LAMC3: variants seen among roughly 807,000 people sequenced by gnomAD.
The protein encoded by LAMC3 is laminin subunit gamma 3.
In LAMC3, 128 loss-of-function variants were observed where a neutral mutation model predicts 173.8. The ratio of observed to expected loss-of-function variants is 0.74; its 90% CI spans 0.64 to 0.85. The LOEUF (loss-of-function observed/expected upper bound fraction) is 0.85. Among genes scored for constraint, LAMC3 ranks in the 40% least tolerant of loss-of-function variants. The pLI is 0.00. For missense variants in LAMC3, 2,022 were observed against 2,156.0 expected (o/e 0.94, Z 1.23); for synonymous variants, 897 against 909.1 (o/e 0.99, Z 0.24).
Position 131,079,186 on chromosome 9 carries a change from C to G in LAMC3, c.3815C>G (p.Ala1272Gly). 1 of 1,613,890 alleles carries G rather than the reference C, an allele frequency of 6.2e-7. No homozygotes were observed. Among genetic ancestry groups the G allele is most frequent in the Non-Finnish European group, 8.5e-7 (1 of 1,179,896 alleles). Residue 1272 changes from alanine (A) to glycine (G), a missense_variant, in exon 23 of 28, where the codon GCG becomes GGG. By Grantham distance (60) the Ala-to-Gly change is moderately conservative (BLOSUM62 0). Transcript: ENST00000361069. ...KSRAEDLGLKAKALEKTVASW... is the reference protein window; with the variant it reads ...KSRAEDLGLKGKALEKTVASW... ...CGGGCTGAAGACCTGGGCCTGAAGG[C>G]GAAGGCCCTGGAGAAGACAGTTGCA...
intron 21 of LAMC3, 128 bp from the exon 22 acceptor site, chr9:131,077,059 C>G: frequency 7.9e-7 from 1 of 1,266,956 alleles, no homozygotes; most frequent in Non-Finnish European, 1.1e-6. Flanking sequence ...GTACCTACCC[C>G]GCAGAGGGCT....
At chr9:131,062,079 C>T (rs1309218480) in intron 13 of LAMC3, among the ~76,000 whole-genome samples, 2 of 151,540 alleles carry the variant, frequency 1.3e-5, no homozygotes, top group African/African-American at 2.4e-5. Context: ...AAATAAAGTA[C>T]AGGCCGGGCA....
intron 8 of LAMC3, among the ~76,000 whole-genome samples, chr9:131,046,518 ATT>A (rs71501242): frequency 3.8e-3 from 188 of 49,148 alleles, no homozygotes; most frequent in African/African-American, 9.1e-3. Context: ...TAATTTTTGT[ATT>A]TTTTTTTTTT....
intron 2 of LAMC3, among the ~76,000 whole-genome samples, chr9:131,031,266 A>T (rs1833817734): frequency 6.6e-6 from 1 of 152,120 alleles, no homozygotes; most frequent in Non-Finnish European, 1.5e-5. Flanking sequence ...GCTGCTGCTC[A>T]CAGCAGGCAG....
chr9:131,073,780 A>G (rs1306564921), intron 20 of LAMC3, among the ~76,000 whole-genome samples: 16 of 151,990 alleles, frequency 1.1e-4, no homozygotes, highest in Non-Finnish European at 1.5e-5. Flanking sequence ...ATCTGCCATC[A>G]GCCCCCGTTT....
chr9:131,061,501 G>A (rs1165698822), intron 13 of LAMC3, among the ~76,000 whole-genome samples: 1 of 152,064 alleles, frequency 6.6e-6, no homozygotes, highest in African/African-American at 2.4e-5. Flanking sequence ...TTAGAGCCTG[G>A]GTTAGTGATA....
At position 131,057,051 on chromosome 9, in the gene LAMC3, G is replaced by C; in HGVS notation, c.2062G>C (p.Ala688Pro). The C allele has an allele frequency of 6.2e-7, 1 of 1,614,172 alleles. No individual in the cohort carries two copies. Among genetic ancestry groups the C allele is most frequent in the South Asian group, 1.1e-5 (1 of 91,086 alleles). The stretch of plus-strand genomic sequence containing the variant: ...CACGGGCCAGTTCTGTGAATCCTGT[G>C]CTCCGGGATACAAGAGGGAGATGCC... ...GYTGQFCESC[A>P]PGYKREMPQG... The change falls in exon 12 of 28, where the codon GCT (alanine) becomes CCT (proline). Residue 688 changes from alanine (A) to proline (P), a missense_variant. Coordinates refer to ENST00000361069, the MANE Select transcript of LAMC3 (RefSeq NM_006059.4).
At chr9:131,061,254 C>T (rs199516745) in intron 13 of LAMC3, 31 bp downstream of exon 13, 684 of 1,570,048 alleles carry the variant, frequency 4.4e-4, no homozygotes, top group Non-Finnish European at 5.3e-4. Context: ...AGCCCTGCCC[C>T]GCAGAGGGCC....
Position 131,009,392 on chromosome 9 carries a change from G to A in LAMC3, c.178G>A (p.Asp60Asn), listed in dbSNP as rs1399742553. 5.2e-6 allele frequency: 8 copies of A among 1,532,980 alleles called. No homozygotes were observed. The highest frequency in any genetic ancestry group is 7.0e-6 in the Non-Finnish European group (8 of 1,143,162). 95.0% of individuals were successfully genotyped at this position (1,532,980 alleles called of 1,614,324 possible). Residue 60 changes from aspartate to asparagine, a missense_variant, in exon 1 of 28, where the codon GAC becomes AAC. Coordinates refer to ENST00000361069, the MANE Select transcript of LAMC3 (RefSeq NM_006059.4). This position sits in a 1 kb window ranked among gnomAD's most constrained non-coding sequence, Gnocchi z 4.3. The stretch of plus-strand genomic sequence containing the variant: ...GCACACGTGCGGCAGCCCGCCCGAG[G>A]ACTTCTGTCCCCACGTGGGCGCCGC... Reference protein sequence around the residue: ...ASHTCGSPPEDFCPHVGAAGA... With the variant: ...ASHTCGSPPENFCPHVGAAGA...
In LAMC3 at chr9:131,082,144, T is replaced by C; in HGVS notation, c.4013T>C (p.Leu1338Pro). The C allele has an allele frequency of 6.2e-7, 1 of 1,613,468 alleles. No individual in the cohort carries two copies. The highest frequency in any genetic ancestry group is 8.5e-7 in the Non-Finnish European group (1 of 1,179,666). ...ATVTVMGART[L>P]LADLEGMKLQ... ...GTGACTGTCATGGGAGCCAGGACTC[T>C]GCTGGCTGATCTGGAAGGTACGTGA... The change falls in exon 24 of 28, where the codon CTG becomes CCG. Residue 1338 changes from leucine to proline, a missense_variant. Leu to Pro is a moderately conservative substitution (Grantham distance 98, BLOSUM62 -3). Transcript: ENST00000361069.
In LAMC3 at chr9:131,032,068, C is replaced by A; in HGVS notation, c.702C>A (p.Leu234=). The change falls in exon 3 of 28, where the codon CTC becomes CTA. Residue 234 remains leucine (L), a synonymous_variant. Transcript: ENST00000361069. ...AGGAGTGGGTCACCAGCACCGAACTCCTCATCTCTCTAGACCGGCTCAACA... is the reference window on the plus strand; with the variant it reads ...AGGAGTGGGTCACCAGCACCGAACTACTCATCTCTCTAGACCGGCTCAACA... ...GLQEWVTSTE[L]LISLDRLNTF... 1 of 1,614,100 alleles carries A rather than the reference C, an allele frequency of 6.2e-7. No individual in the cohort carries two copies. Among genetic ancestry groups the A allele is most frequent in the Non-Finnish European group, 8.5e-7 (1 of 1,180,004 alleles).
At position 131,066,360 on chromosome 9, in the gene LAMC3, G is replaced by A. The variant is rs566677011; in HGVS notation, c.2348-600G>A. Among the ~76,000 whole-genome samples, 22 of 149,200 alleles carry A rather than the reference G, an allele frequency of 1.5e-4. 1 individual carries two copies. The highest frequency in any genetic ancestry group is 1.0e-3 in the Admixed American group (15 of 14,980). ...ACAAAAATTAGCCAAGCATGGTGGC[G>A]GGTGCCTGTAATCCCATCTACTAGG... is the stretch of plus-strand genomic sequence containing the variant. On this transcript the variant is annotated intron_variant, in intron 13 of 27. Coordinates refer to ENST00000361069, the MANE Select transcript of LAMC3 (RefSeq NM_006059.4).
chr9:131,055,025 C>T (rs1370594694), intron 11 of LAMC3, among the ~76,000 whole-genome samples: 1 of 152,066 alleles, frequency 6.6e-6, no homozygotes, highest in Non-Finnish European at 1.5e-5. Flanking sequence ...TTTAGCCATC[C>T]CCCTATTGAC....
chr9:131,072,495 TTTGGGACTACCTG>T, intron 18 of LAMC3, 122 bp from the exon 19 acceptor site: 1 of 761,734 alleles, frequency 1.3e-6, no homozygotes, highest in Non-Finnish European at 2.2e-6. Flanking sequence ...GTACTCTGCC[TTTGGGACTACCTG>T]TTGGTGCTCA....
intron 14 of LAMC3, 76 bp downstream of exon 14, chr9:131,067,281 G>C (rs778466787): frequency 6.9e-6 from 11 of 1,589,544 alleles, no homozygotes; most frequent in Non-Finnish European, 9.4e-6. Context: ...GGGCCCAGAA[G>C]GGGTGGCTGA....
At chr9:131,019,912 A>G (rs1207319861) in intron 1 of LAMC3, among the ~76,000 whole-genome samples, 2 of 150,516 alleles carry the variant, frequency 1.3e-5, no homozygotes, top group East Asian at 3.9e-4. Context: ...CGCCCACGCC[A>G]AACAGCAGGA....
rs757253079 is a variant in LAMC3 at position 131,068,182 on chromosome 9, C to T, written c.2698C>T (p.Arg900Cys). 2.5e-5 allele frequency: 41 copies of T among 1,612,982 alleles called. No individual in the cohort carries two copies. Among genetic ancestry groups the T allele is most frequent in the South Asian group, 1.1e-4 (10 of 91,082 alleles). ...LPHVTARDCSRCYPGFFDLQP... is the reference protein window; with the variant it reads ...LPHVTARDCSCCYPGFFDLQP... Reference sequence around the variant, plus strand: ...TCATGTGACTGCACGGGACTGCAGCCGCTGCTACCCTGGCTTCTTCGACCT... The same window carrying T: ...TCATGTGACTGCACGGGACTGCAGCTGCTGCTACCCTGGCTTCTTCGACCT... Residue 900 changes from arginine to cysteine, a missense_variant, in exon 15 of 28, where the codon CGC becomes TGC. By Grantham distance (180) the Arg-to-Cys change is radical (BLOSUM62 -3). Coordinates refer to ENST00000361069, the MANE Select transcript of LAMC3 (RefSeq NM_006059.4).
In LAMC3 at chr9:131,015,305, C is replaced by T. The variant is rs181334927; in HGVS notation, c.373+5718C>T. Among the ~76,000 whole-genome samples the T allele has an allele frequency of 9.2e-5, 14 of 152,238 alleles. No homozygotes were observed. In the East Asian group the frequency reaches 1.2e-3, roughly 13 times the overall value. ...AGGTGCCTCCCGTACTCCTAAGCCA[C>T]GGTGTTCACAGCAGTGCCGCCGTCC... is the stretch of plus-strand genomic sequence containing the variant. On this transcript the variant is annotated intron_variant, in intron 1 of 27. Coordinates refer to ENST00000361069, the MANE Select transcript of LAMC3 (RefSeq NM_006059.4).
chr9:131,060,145 C>T (rs1829779518), intron 12 of LAMC3, among the ~76,000 whole-genome samples: 1 of 152,196 alleles, frequency 6.6e-6, no homozygotes, highest in Non-Finnish European at 1.5e-5. Flanking sequence ...GTTCCCTCCC[C>T]TGAGACTAGG....
Sources: gnomAD v4.1 joint callset for allele counts (sites outside exome capture counted in the v4.1 genomes callset) on GRCh38, gnomAD v4.1.1 for gene constraint, Gnocchi (gnomAD v3.1) non-coding constraint, MANE v1.5 for transcripts, NCBI Gene and HGNC (gene_info 2026-07-23, HGNC 2026-07-21) for gene names.